KIRREL3: variants seen among roughly 807,000 people sequenced by gnomAD.
KIRREL3 encodes kin of IRRE-like protein 3.
Under a neutral mutation model 89.7 loss-of-function variants are expected in KIRREL3, and 36 were observed. The ratio of observed to expected loss-of-function variants is 0.40; its 90% confidence interval spans 0.31 to 0.53. The LOEUF is 0.53. Ranked by LOEUF, KIRREL3 falls within the 20% of genes least tolerant of loss-of-function variation. The pLI, the probability that KIRREL3 is intolerant of heterozygous loss-of-function variation, is 0.49. For missense variants in KIRREL3, 864 were observed against 1,056.6 expected, an observed-to-expected ratio of 0.82 and a Z score of 2.53; for synonymous variants, 445 against 441.4, an observed-to-expected ratio of 1.01 and a Z score of -0.10.
At chr11:126,823,339 T>C (rs1377464324) in intron 1 of KIRREL3, among the ~76,000 whole-genome samples, 1 of 152,172 alleles carries the variant, frequency 6.6e-6, no homozygotes, top group African/African-American at 2.4e-5. Flanking sequence ...TCATCTAACC[T>C]CCAGGGCCTT....
intron 1 of KIRREL3, among the ~76,000 whole-genome samples, chr11:126,910,250 C>G (rs929776394): frequency 4.6e-5 from 7 of 152,054 alleles, no homozygotes; most frequent in Non-Finnish European, 1.0e-4. Flanking sequence ...AGGGAGGCAG[C>G]CTTTGATGGA....
intron 1 of KIRREL3, among the ~76,000 whole-genome samples, chr11:126,835,476 C>T (rs953265862): frequency 6.6e-6 from 1 of 152,206 alleles, no homozygotes; most frequent in African/African-American, 2.4e-5. Flanking sequence ...ATGGACTTCC[C>T]TATCAAATTT....
At chr11:126,646,492 T>TTTTG (rs760055637) in intron 1 of KIRREL3, among the ~76,000 whole-genome samples, 1 of 150,484 alleles carries the variant, frequency 6.6e-6, no homozygotes. Context: ...TTTTTTTTTT[T>TTTTG]GAGACAGAGT....
rs1202054521 is a variant in KIRREL3, at chr11:126,912,008, G to A, written c.55+88447C>T. ...AAAAAAAAAAAAAAAAAAAAAGAAC[G>A]GCAACTGGGATGACTCAGTAGAGAC... On this transcript the variant is annotated intron_variant, in intron 1 of 16. Coordinates refer to ENST00000525144, the MANE Select transcript of KIRREL3 (RefSeq NM_032531.4). This position sits in a 1 kb window ranked among gnomAD's most constrained non-coding sequence, Gnocchi z 4.7. 1.5e-5 allele frequency among the ~76,000 whole-genome samples: 2 copies of A among 137,204 alleles called. No homozygotes were observed. The highest frequency in any genetic ancestry group is 2.4e-4 in the South Asian group (1 of 4,222). 90.0% of individuals were successfully genotyped at this position (137,204 alleles called of 152,430 possible).
intron 5 of KIRREL3, 64 bp downstream of exon 5, chr11:126,473,245 G>GCCCCCAC: frequency 2.4e-6 from 1 of 420,430 alleles, no homozygotes; most frequent in Non-Finnish European, 3.2e-6. Context: ...TGTCCACCTA[G>GCCCCCAC]CCCCCTCCCC....
intron 1 of KIRREL3, among the ~76,000 whole-genome samples, chr11:126,707,370 A>T (rs1481526432): frequency 6.6e-6 from 1 of 151,824 alleles, no homozygotes; most frequent in Non-Finnish European, 1.5e-5. Flanking sequence ...TCTTGCTACA[A>T]GGGGTGAGGA....
In KIRREL3 at chr11:126,990,240, T is replaced by C. The variant is rs185504116; in HGVS notation, c.55+10215A>G. ...GCTGAGCTTCCTCGCTCCCTCTCTT[T>C]GAAGCTCTCTCAAGCCCCTCTGAGC... On this transcript the variant is annotated intron_variant, in intron 1 of 16. Coordinates refer to ENST00000525144, the MANE Select transcript of KIRREL3 (RefSeq NM_032531.4). This position sits in a 1 kb window ranked among gnomAD's most constrained non-coding sequence, Gnocchi z 6.3. Among the ~76,000 whole-genome samples the C allele has an allele frequency of 5.9e-5, 9 of 152,238 alleles. No homozygotes were observed. The highest frequency in any genetic ancestry group is 2.2e-4 in the African/African-American group (9 of 41,530).
upstream of KIRREL3, chr11:127,002,945 TC>T (rs1163360873): frequency 1.3e-5 from 2 of 151,730 alleles, no homozygotes; most frequent in African/African-American, 4.9e-5. Flanking sequence ...GCCTGGGAGA[TC>T]CAGGTTGGAA....
chr11:126,930,256 T>G (rs991412162), intron 1 of KIRREL3, among the ~76,000 whole-genome samples: 2 of 132,810 alleles, frequency 1.5e-5, no homozygotes, highest in African/African-American at 5.2e-5. Context: ...TGCTAAACCC[T>G]TGACATGTTA....
rs1955026536 is a variant in KIRREL3, at chr11:126,428,760, C to CCTCA, written c.1806+415_1806+418dup. ...CTCCTGGGTTCAAGCAATTCTCCTG[C>CCTCA]CTCAGCTTCCCAAGTAGCTGGGATT... On this transcript the variant is annotated intron_variant, in intron 15 of 16. Transcript: ENST00000525144. The surrounding 1 kb of genome is among the most constrained non-coding windows in gnomAD (Gnocchi z 6.4). Among the ~76,000 whole-genome samples the CCTCA allele has an allele frequency of 6.6e-6, 1 of 152,098 alleles. No individual in the cohort carries two copies. Among genetic ancestry groups the CCTCA allele is most frequent in the East Asian group, 1.9e-4 (1 of 5,176 alleles).
chr11:126,471,799 C>G lies in KIRREL3; in HGVS notation c.591+1510G>C, dbSNP rs1473165381. ...GGAATTAGCTTACCCTGGTCCTTCC[C>G]TGGGTCTGCAAGGCCCCAGATGTCA... On this transcript the variant is annotated intron_variant, in intron 5 of 16. Coordinates refer to ENST00000525144, the MANE Select transcript of KIRREL3 (RefSeq NM_032531.4). The surrounding 1 kb of genome is among the most constrained non-coding windows in gnomAD (Gnocchi z 5.4). Among the ~76,000 whole-genome samples, 1 of 152,180 alleles carries G rather than the reference C, an allele frequency of 6.6e-6. No homozygotes were observed. The highest frequency in any genetic ancestry group is 1.9e-4 in the East Asian group (1 of 5,200).
chr11:126,659,274 C>T (rs1272200876), intron 1 of KIRREL3, among the ~76,000 whole-genome samples: 2 of 152,122 alleles, frequency 1.3e-5, no homozygotes, highest in Non-Finnish European at 1.5e-5. Context: ...TCCATGGGTC[C>T]TCCCAAAATG....
chr11:126,863,303 A>G (rs1275473598), intron 1 of KIRREL3, among the ~76,000 whole-genome samples: 1 of 151,036 alleles, frequency 6.6e-6, no homozygotes, highest in Admixed American at 6.6e-5. Flanking sequence ...GCACAGGCCA[A>G]GCTGGGGTTC....
chr11:126,529,840 T>C (rs1958888353), intron 2 of KIRREL3, among the ~76,000 whole-genome samples: 1 of 148,166 alleles, frequency 6.7e-6, no homozygotes, highest in Admixed American at 6.9e-5. Context: ...ATAATTACTT[T>C]TCTCTTTTAA....
At chr11:126,738,182 G>C (rs1025748933) in intron 1 of KIRREL3, among the ~76,000 whole-genome samples, 2 of 152,144 alleles carry the variant, frequency 1.3e-5, no homozygotes, top group African/African-American at 4.8e-5. Context: ...TCTAAGCCCA[G>C]GAACAAAATC....
In KIRREL3 at chr11:126,563,208, C is replaced by A. The variant is rs1006896039; in HGVS notation, c.56-296G>T. Among the ~76,000 whole-genome samples the A allele has an allele frequency of 5.3e-5, 8 of 152,176 alleles. No homozygotes were observed. The highest frequency in any genetic ancestry group is 8.8e-5 in the Non-Finnish European group (6 of 68,036). On this transcript the variant is annotated intron_variant, in intron 1 of 16. Coordinates refer to ENST00000525144, the MANE Select transcript of KIRREL3 (RefSeq NM_032531.4). This position sits in a 1 kb window ranked among gnomAD's most constrained non-coding sequence, Gnocchi z 6.8. The stretch of plus-strand genomic sequence containing the variant: ...GAGCTAGCAGGTGGTAAAGCCAGAG[C>A]TTTGAACCTAGGCAGTCTGGCTCTG...
intron 4 of KIRREL3, among the ~76,000 whole-genome samples, chr11:126,503,750 A>AG (rs1957935673): frequency 6.6e-6 from 1 of 151,982 alleles, no homozygotes; most frequent in African/African-American, 2.4e-5. Context: ...CCCTTGAAAG[A>AG]GGAAGAGAGA....
intron 1 of KIRREL3, among the ~76,000 whole-genome samples, chr11:126,998,315 AC>A (rs1950229403): frequency 6.6e-6 from 1 of 152,110 alleles, no homozygotes; most frequent in Non-Finnish European, 1.5e-5. Context: ...TGATGGCTGG[AC>A]CCCTTGATTC....
chr11:126,855,639 A>T (rs1249284358), intron 1 of KIRREL3, among the ~76,000 whole-genome samples: 1 of 152,244 alleles, frequency 6.6e-6, no homozygotes, highest in African/African-American at 2.4e-5. Flanking sequence ...AGACTCAGTG[A>T]GAGGTGAGGC....
Sources: allele counts gnomAD v4.1 joint callset (sites outside exome capture counted in the v4.1 genomes callset), GRCh38; gene constraint gnomAD v4.1.1; non-coding constraint Gnocchi (gnomAD v3.1); transcripts MANE v1.5; gene names NCBI Gene and HGNC (gene_info 2026-07-23, HGNC 2026-07-21).